The following ABI2 variants were observed in gnomAD, a reference collection of about 807,000 sequenced individuals.
ABI2 encodes the protein abl interactor 2.
Under a neutral mutation model 59.2 loss-of-function variants are expected in ABI2, and 25 were observed. That is an observed-to-expected ratio of 0.42 (90% CI 0.31 to 0.59). ABI2 has a LOEUF of 0.59. Ranked by LOEUF, ABI2 falls within the 20% of genes least tolerant of loss-of-function variation. ABI2 has a pLI of 0.14. For missense variants in ABI2, 545 were observed against 681.8 expected, an observed-to-expected ratio of 0.80 and a Z score of 2.23; for synonymous variants, 213 against 235.5, an observed-to-expected ratio of 0.90 and a Z score of 0.87.
chr2:203,409,129 C>T (rs920794743), intron 9 of ABI2, among the ~76,000 whole-genome samples: 36 of 152,028 alleles, frequency 2.4e-4, no homozygotes, highest in Non-Finnish European at 4.3e-4. Flanking sequence ...TGAGCCACCG[C>T]GCCCGGCCCA....
chr2:203,379,967 ACT>A (rs1311237210), intron 2 of ABI2, among the ~76,000 whole-genome samples: 2 of 152,002 alleles, frequency 1.3e-5, no homozygotes, highest in Non-Finnish European at 2.9e-5. Flanking sequence ...TGTAAACACC[ACT>A]CTTAGCTTGT....
At chr2:203,368,256 A>G (rs988900006) in intron 2 of ABI2, among the ~76,000 whole-genome samples, 1 of 152,188 alleles carries the variant, frequency 6.6e-6, no homozygotes, top group Non-Finnish European at 1.5e-5. Context: ...GTAAAATGCA[A>G]TTTAAAAAAT....
Position 203,380,283 on chromosome 2 carries a change from A to T in ABI2, c.361A>T (p.Thr121Ser). ...GACTACCAATAAAAACACTTCAAGG[A>T]CACATAAGATTATTGCTCCAGCCAA... ...ILTTNKNTSR[T>S]HKIIAPANLE... The change falls in exon 3 of 12, where the codon ACA becomes TCA. Residue 121 changes from threonine to serine, a missense_variant. Thr to Ser is a moderately conservative substitution (Grantham distance 58). Around this residue, in one of 4 missense-constraint regions of ABI2, gnomAD observed 410 missense variants for 435.6 expected, o/e 0.94. Transcript: ENST00000261018. The T allele has an allele frequency of 3.7e-6, 6 of 1,609,214 alleles. No homozygotes were observed. The highest frequency in any genetic ancestry group is 5.1e-6 in the Non-Finnish European group (6 of 1,177,892).
chr2:203,363,505 C>T (rs1472425476), intron 1 of ABI2, among the ~76,000 whole-genome samples: 1 of 151,766 alleles, frequency 6.6e-6, no homozygotes, highest in African/African-American at 2.4e-5. Flanking sequence ...TTCCCTCTAC[C>T]TCCTCCTGTC....
intron 1 of ABI2, among the ~76,000 whole-genome samples, chr2:203,338,226 A>C (rs1231455898): frequency 6.6e-6 from 1 of 152,246 alleles, no homozygotes; most frequent in East Asian, 1.9e-4. Flanking sequence ...AAAAGAATGA[A>C]ATTTGATTGT....
intron 1 of ABI2, among the ~76,000 whole-genome samples, chr2:203,340,416 G>C (rs1056665646): frequency 2.6e-5 from 4 of 151,926 alleles, no homozygotes; most frequent in Admixed American, 2.6e-4. Context: ...ACCCAGGCTG[G>C]AGTACAGTGG....
Position 203,396,972 on chromosome 2 carries a change from G to T in ABI2, c.1033+5G>T. On this transcript the variant is annotated splice_donor_5th_base_variant and intron_variant, in intron 8 of 11. Coordinates refer to ENST00000261018, the MANE Select transcript of ABI2 (RefSeq NM_001375670.1). ...TTTCTTCCACTCCCCCTACAGGTAA[G>T]TATTTGCTTATTCATTGGCAGGCAG... 6.9e-7 allele frequency: 1 copy of T among 1,445,448 alleles called. No homozygotes were observed. The highest frequency in any genetic ancestry group is 9.1e-7 in the Non-Finnish European group (1 of 1,101,016). 89.5% of individuals were successfully genotyped at this position (1,445,448 alleles called of 1,614,324 possible). A position where few individuals can be genotyped will look rare whatever the true frequency, so the allele number is the denominator to read the frequency against.
chr2:203,402,775 A>G (rs1464696377), intron 9 of ABI2, 41 bp downstream of exon 9: 1 of 1,474,378 alleles, frequency 6.8e-7, no homozygotes, highest in Admixed American at 2.5e-5. Flanking sequence ...GAATGTATTT[A>G]ATTAAAAACC....
chr2:203,344,058 A>C (rs1269969586), intron 1 of ABI2, among the ~76,000 whole-genome samples: 1 of 152,172 alleles, frequency 6.6e-6, no homozygotes, highest in Admixed American at 6.6e-5. Context: ...GCTTGAGCTC[A>C]GGGTTGGAGG....
At chr2:203,372,002 A>G (rs1344225860) in intron 2 of ABI2, among the ~76,000 whole-genome samples, 2 of 151,616 alleles carry the variant, frequency 1.3e-5, no homozygotes, top group Non-Finnish European at 2.9e-5. Context: ...GTCATAGGAT[A>G]ATAGTGGAGG....
At chr2:203,377,072 C>A (rs1400353196) in intron 2 of ABI2, among the ~76,000 whole-genome samples, 4 of 152,154 alleles carry the variant, frequency 2.6e-5, no homozygotes, top group African/African-American at 9.7e-5. Context: ...AATCCCAGCA[C>A]TTTGGGAGAC....
intron 11 of ABI2, among the ~76,000 whole-genome samples, chr2:203,418,347 C>T (rs746936440): frequency 1.3e-5 from 2 of 152,356 alleles, no homozygotes; most frequent in South Asian, 2.1e-4. Context: ...CAGCTGGGCC[C>T]TCTGGTTCAG....
intron 1 of ABI2, among the ~76,000 whole-genome samples, chr2:203,350,889 TGTGCGC>T (rs746842676): frequency 7.9e-6 from 1 of 125,836 alleles, no homozygotes; most frequent in East Asian, 2.1e-4. Flanking sequence ...TGTGTGTGTG[TGTGCGC>T]GCGCGCATAC....
At chr2:203,386,061 G>A (rs916918998) in intron 4 of ABI2, among the ~76,000 whole-genome samples, 17 of 152,002 alleles carry the variant, frequency 1.1e-4, no homozygotes, top group African/African-American at 3.9e-4. Context: ...CCTTTTCCTG[G>A]TGTCCCTTAG....
At chr2:203,364,241 C>T (rs925624930) in intron 1 of ABI2, among the ~76,000 whole-genome samples, 2 of 151,380 alleles carry the variant, frequency 1.3e-5, no homozygotes, top group African/African-American at 2.4e-5. Context: ...TTACAGGCAT[C>T]TGTCACCACA....
chr2:203,342,641 G>A (rs1349128861), intron 1 of ABI2, among the ~76,000 whole-genome samples: 6 of 151,096 alleles, frequency 4.0e-5, no homozygotes, highest in African/African-American at 9.7e-5. Flanking sequence ...GTGCAGTGGC[G>A]TGATCTCAGC....
In ABI2 at chr2:203,429,952, C is replaced by G. The variant is rs2098469439; in HGVS notation, c.*2600C>G. On this transcript the variant is annotated 3_prime_UTR_variant, in exon 12 of 12. Coordinates refer to ENST00000261018, the MANE Select transcript of ABI2 (RefSeq NM_001375670.1). ...TTGGGAGCAGGGGTAGTCCATGGGT[C>G]TGCTGATTTTTTTTCCCTATTTAGT... 6.6e-6 allele frequency: 1 copy of G among 152,016 alleles called. No individual in the cohort carries two copies. Among genetic ancestry groups the G allele is most frequent in the Non-Finnish European group, 1.5e-5 (1 of 68,024 alleles). 9.4% of individuals were successfully genotyped at this position (152,016 alleles called of 1,614,324 possible). A position where few individuals can be genotyped will look rare whatever the true frequency, so the allele number is the denominator to read the frequency against.
chr2:203,417,452 T>C (rs899549755), intron 11 of ABI2, among the ~76,000 whole-genome samples: 2 of 152,260 alleles, frequency 1.3e-5, no homozygotes, highest in African/African-American at 4.8e-5. Flanking sequence ...TCAGTTTAAA[T>C]GTCTCCACAT....
chr2:203,396,940 C>G lies in ABI2; in HGVS notation c.1006C>G (p.Pro336Ala). The change falls in exon 8 of 12, where the codon CCT (proline) becomes GCT (alanine). Residue 336 changes from proline to alanine, a missense_variant. Coordinates refer to ENST00000261018, the MANE Select transcript of ABI2 (RefSeq NM_001375670.1). Reference sequence around the variant, plus strand: ...TGATGGCTTCACTTCTCCAACTCCCCCTGTTGTTTCTTCCACTCCCCCTAC... The same window carrying G: ...TGATGGCTTCACTTCTCCAACTCCCGCTGTTGTTTCTTCCACTCCCCCTAC... ...LADGFTSPTP[P>A]VVSSTPPTGH... The G allele has an allele frequency of 6.6e-7, 1 of 1,513,582 alleles. No individual in the cohort carries two copies. The highest frequency in any genetic ancestry group is 8.8e-7 in the Non-Finnish European group (1 of 1,137,544). 93.8% of individuals were successfully genotyped at this position (1,513,582 alleles called of 1,614,324 possible).
Sources: allele counts gnomAD v4.1 joint callset (sites outside exome capture counted in the v4.1 genomes callset), GRCh38; gene constraint gnomAD v4.1.1; regional missense constraint gnomAD v4.1.1; transcripts MANE v1.5; gene names NCBI Gene and HGNC (gene_info 2026-07-23, HGNC 2026-07-21).